Variants in CPNE4 observed in about 807,000 individuals in gnomAD.
CPNE4 encodes copine 4, also known as copine-4.
CPNE4 carries 25 observed loss-of-function variants against 67.9 expected under a neutral mutation model. That is an observed-to-expected ratio of 0.37 (90% CI 0.27 to 0.51). The LOEUF (loss-of-function observed/expected upper bound fraction) is 0.51. Ranked by LOEUF, CPNE4 falls within the 20% of genes least tolerant of loss-of-function variation. The pLI is 0.93. For missense variants in CPNE4, 464 were observed against 690.8 expected (o/e 0.67, Z 3.68); for synonymous variants, 242 against 244.9 (o/e 0.99, Z 0.11).
chr3:131,621,820 A>C (rs1047042390), intron 7 of CPNE4, among the ~76,000 whole-genome samples: 3 of 150,848 alleles, frequency 2.0e-5, no homozygotes, highest in African/African-American at 7.4e-5. Context: ...CAGCCTGAGC[A>C]ATGTGGCAAA....
chr3:132,011,063 C>T lies in CPNE4; in HGVS notation c.-2+23504G>A, dbSNP rs116189331. Among the ~76,000 whole-genome samples, 882 of 152,276 alleles carry T rather than the reference C, an allele frequency of 5.8e-3. 10 individuals are homozygous for T. Among genetic ancestry groups the T allele is most frequent in the African/African-American group, 0.02 (824 of 41,566 alleles). On this transcript the variant is annotated intron_variant, in intron 1 of 15. Transcript: ENST00000429747. Reference sequence around the variant, plus strand: ...CCTCTGTTTTTCTTAGCTGGGGAAACTGAAGCTCAGAAACGGGAAGGGATA... The same window carrying T: ...CCTCTGTTTTTCTTAGCTGGGGAAATTGAAGCTCAGAAACGGGAAGGGATA...
rs58456346 is a variant in CPNE4 at position 131,596,621 on chromosome 3, CAAAAAAAAAAAAAA to C, written c.682-9053_682-9040del. On this transcript the variant is annotated intron_variant, in intron 7 of 15. Coordinates refer to ENST00000429747, the MANE Select transcript of CPNE4 (RefSeq NM_130808.3). ...TGGGCGACAGAGCGAGACTCCGTCT[CAAAAAAAAAAAAAA>C]AAAAAAAAAAAAAAAAATTAAGTAA... Among the ~76,000 whole-genome samples the C allele has an allele frequency of 2.1e-4, 7 of 32,960 alleles. 1 individual carries two copies. Among genetic ancestry groups the C allele is most frequent in the East Asian group, 1.7e-3 (1 of 602 alleles). The allele number at this position is 32,960 out of a possible 152,430, so 21.6% of individuals were successfully genotyped here.
chr3:131,962,550 T>C (rs2072213869), intron 1 of CPNE4, among the ~76,000 whole-genome samples: 1 of 152,186 alleles, frequency 6.6e-6, no homozygotes, highest in African/African-American at 2.4e-5. Flanking sequence ...TAGAACTATA[T>C]CTTGAATGTT....
intron 6 of CPNE4, among the ~76,000 whole-genome samples, chr3:131,670,594 G>T (rs565239102): frequency 2.0e-5 from 3 of 152,268 alleles, no homozygotes; most frequent in South Asian, 4.1e-4. Flanking sequence ...TCCTGGACCA[G>T]CAGGAGCTGC....
intron 10 of CPNE4, among the ~76,000 whole-genome samples, chr3:131,574,238 C>A (rs1156424953): frequency 1.3e-5 from 2 of 152,156 alleles, no homozygotes; most frequent in Admixed American, 1.3e-4. Context: ...CAAGTTACAT[C>A]TCTCTTGTTT....
intron 3 of CPNE4, among the ~76,000 whole-genome samples, chr3:131,702,633 A>G (rs2081329690): frequency 6.6e-6 from 1 of 152,204 alleles, no homozygotes; most frequent in Admixed American, 6.5e-5. Flanking sequence ...GCCCTATAAT[A>G]GCCCACTCAT....
At chr3:131,802,988 G>A (rs1163254022) in intron 2 of CPNE4, among the ~76,000 whole-genome samples, 3 of 152,108 alleles carry the variant, frequency 2.0e-5, no homozygotes, top group African/African-American at 7.2e-5. Context: ...ATGGACTCAG[G>A]ACTGGAATTA....
At chr3:131,714,275 G>T (rs1303752409) in intron 3 of CPNE4, among the ~76,000 whole-genome samples, 2 of 151,960 alleles carry the variant, frequency 1.3e-5, no homozygotes, top group African/African-American at 4.8e-5. Context: ...AATAGCTTGT[G>T]GTCTGCCCAC....
intron 1 of CPNE4, among the ~76,000 whole-genome samples, chr3:132,010,267 G>C (rs2073722050): frequency 6.6e-6 from 1 of 152,048 alleles, no homozygotes; most frequent in African/African-American, 2.4e-5. Flanking sequence ...GGGATGACAA[G>C]AAAGCATTTA....
intron 1 of CPNE4, among the ~76,000 whole-genome samples, chr3:131,911,267 G>A (rs530263445): frequency 2.5e-3 from 167 of 66,468 alleles, no homozygotes; most frequent in South Asian, 0.016. Flanking sequence ...AGTCCAACAC[G>A]CTGAAAGGAA....
intron 1 of CPNE4, among the ~76,000 whole-genome samples, chr3:131,920,200 A>C (rs1356554618): frequency 6.6e-6 from 1 of 152,184 alleles, no homozygotes. Context: ...CAGACACTGT[A>C]AATTGCTCTA....
chr3:131,807,216 T>C (rs2084349261), intron 2 of CPNE4, among the ~76,000 whole-genome samples: 1 of 152,052 alleles, frequency 6.6e-6, no homozygotes, highest in Non-Finnish European at 1.5e-5. Flanking sequence ...AAGGGACACT[T>C]GAACAGAAGT....
At chr3:131,643,407 G>A (rs2079585431) in intron 7 of CPNE4, among the ~76,000 whole-genome samples, 1 of 152,198 alleles carries the variant, frequency 6.6e-6, no homozygotes. Context: ...ATCCCATTTG[G>A]ATTGGGTGTA....
chr3:131,976,829 T>C lies in CPNE4; in HGVS notation c.-2+57738A>G, dbSNP rs144245015. Among the ~76,000 whole-genome samples the C allele has an allele frequency of 6.9e-3, 1,039 of 150,646 alleles. 11 individuals are homozygous for C. Among genetic ancestry groups the C allele is most frequent in the African/African-American group, 0.023 (960 of 40,986 alleles). On this transcript the variant is annotated intron_variant, in intron 1 of 15. Transcript: ENST00000429747. The stretch of plus-strand genomic sequence containing the variant: ...TTTTTTTTCTTTTTTTGAGACAGAG[T>C]CTCACCGTGTCACCCAGGCTGGAGT...
chr3:131,993,569 C>T (rs1416783671), intron 1 of CPNE4, among the ~76,000 whole-genome samples: 2 of 130,050 alleles, frequency 1.5e-5, no homozygotes, highest in East Asian at 2.5e-4. Context: ...ATAAGACCAA[C>T]ATCCTAAAGT....
chr3:131,716,304 C>T (rs2081684863), intron 3 of CPNE4, among the ~76,000 whole-genome samples: 1 of 151,898 alleles, frequency 6.6e-6, no homozygotes. Context: ...CTTTATCTTT[C>T]CTTTAGGGCC....
chr3:131,923,014 G>A (rs2070783554), intron 1 of CPNE4, among the ~76,000 whole-genome samples: 1 of 152,152 alleles, frequency 6.6e-6, no homozygotes, highest in Admixed American at 6.5e-5. Flanking sequence ...GTATATTTTG[G>A]TTTGGGCCAA....
chr3:131,950,065 T>A (rs571022495), intron 1 of CPNE4, among the ~76,000 whole-genome samples: 25 of 152,338 alleles, frequency 1.6e-4, no homozygotes, highest in African/African-American at 6.0e-4. Flanking sequence ...TTATGTTGTA[T>A]AAGGTCACTT....
chr3:131,625,962 T>G (rs2079062340), intron 7 of CPNE4, among the ~76,000 whole-genome samples: 1 of 152,214 alleles, frequency 6.6e-6, no homozygotes, highest in South Asian at 2.1e-4. Context: ...ATTGTACCTA[T>G]TATGGTGATC....
Sources: allele counts gnomAD v4.1 joint callset (sites outside exome capture counted in the v4.1 genomes callset), GRCh38; gene constraint gnomAD v4.1.1; transcripts MANE v1.5; gene names NCBI Gene and HGNC (gene_info 2026-07-23, HGNC 2026-07-21).